RRAGD: variants seen among roughly 807,000 people sequenced by gnomAD.
RRAGD encodes the protein Ras related GTP binding D.
In RRAGD, 12 loss-of-function variants were observed where a neutral mutation model predicts 35.5. The ratio of observed to expected loss-of-function variants is 0.34; its 90% CI spans 0.22 to 0.55. The LOEUF is 0.55. Among genes scored for constraint, RRAGD ranks in the 20% least tolerant of loss-of-function variants. The probability of loss-of-function intolerance (pLI) is 0.91; values close to 1 mark genes in which losing one functional copy is unlikely to be tolerated. For missense variants in RRAGD, 324 were observed against 490.1 expected, an observed-to-expected ratio of 0.66 and a Z score of 3.20; for synonymous variants, 155 against 178.9, an observed-to-expected ratio of 0.87 and a Z score of 1.07.
chr6:89,382,409 ATATATATATATATG>A (rs1177675738), intron 2 of RRAGD, among the ~76,000 whole-genome samples: 2 of 146,810 alleles, frequency 1.4e-5, no homozygotes, highest in African/African-American at 5.1e-5. Context: ...AAATATATAT[ATATATATATATATG>A]TAATTAACCA....
At position 89,368,195 on chromosome 6, in the gene RRAGD, T is replaced by C; in HGVS notation, c.1064A>G (p.Tyr355Cys). Residue 355 changes from tyrosine (Y) to cysteine (C), a missense_variant, in exon 7 of 7, where the codon TAT becomes TGT. Coordinates refer to ENST00000369415, the MANE Select transcript of RRAGD (RefSeq NM_021244.5). ...ESFERKGLID[Y>C]NFHCFRKAIH... is the part of the protein sequence containing the mutation. ...GGCCTTCCGGAAGCAATGAAAATTA[T>C]AGTCAATTAGCCCTGGAGAAGAGAA... The C allele has an allele frequency of 1.2e-6, 2 of 1,613,368 alleles. No individual in the cohort carries two copies. The highest frequency in any genetic ancestry group is 8.5e-7 in the Non-Finnish European group (1 of 1,179,740).
chr6:89,394,338 GA>G (rs1347156551), intron 1 of RRAGD, among the ~76,000 whole-genome samples: 2 of 152,066 alleles, frequency 1.3e-5, no homozygotes, highest in Non-Finnish European at 2.9e-5. Flanking sequence ...AAAATCCTTA[GA>G]GGGGGAAACA....
At chr6:89,390,363 T>C (rs1046211513) in intron 1 of RRAGD, among the ~76,000 whole-genome samples, 4 of 152,144 alleles carry the variant, frequency 2.6e-5, no homozygotes, top group Non-Finnish European at 4.4e-5. Flanking sequence ...AGGATGCGAA[T>C]AGACATTTCT....
Position 89,368,033 on chromosome 6 carries a change from A to G in RRAGD, c.*23T>C. ...AGCCTCATGGATAAGGTCTGATTTCAAAAGACATTCCTGAAACCTCACCTA... is the reference window on the plus strand; with the variant it reads ...AGCCTCATGGATAAGGTCTGATTTCGAAAGACATTCCTGAAACCTCACCTA... On this transcript the variant is annotated 3_prime_UTR_variant, in exon 7 of 7. Coordinates refer to ENST00000369415, the MANE Select transcript of RRAGD (RefSeq NM_021244.5). 1 of 1,574,934 alleles carries G rather than the reference A, an allele frequency of 6.3e-7. No individual in the cohort carries two copies. The highest frequency in any genetic ancestry group is 1.7e-4 in the Middle Eastern group (1 of 5,856).
At chr6:89,409,975 G>T (rs1345806398) in intron 1 of RRAGD, among the ~76,000 whole-genome samples, 1 of 152,170 alleles carries the variant, frequency 6.6e-6, no homozygotes, top group African/African-American at 2.4e-5. Flanking sequence ...AGCCCATTCA[G>T]AAGGATTTTA....
At chr6:89,374,512 C>T (rs1001855266) in intron 5 of RRAGD, among the ~76,000 whole-genome samples, 10 of 152,070 alleles carry the variant, frequency 6.6e-5, no homozygotes. Flanking sequence ...AGGTGGATCG[C>T]CTGAGGTTGG....
intron 1 of RRAGD, among the ~76,000 whole-genome samples, chr6:89,399,112 A>C (rs1769398752): frequency 6.6e-6 from 1 of 152,180 alleles, no homozygotes. Flanking sequence ...CGTAGATTTT[A>C]ATGTTTCTCC....
At position 89,366,572 on chromosome 6, in the gene RRAGD, T is replaced by G. The variant is rs1358276799; in HGVS notation, c.*1484A>C. On this transcript the variant is annotated 3_prime_UTR_variant, in exon 7 of 7. Transcript: ENST00000369415. Reference sequence around the variant, plus strand: ...TTCAAGTATAAGTTGCTTTAGGGACTTTATATATTTTGCTAGGACCAACTT... The same window carrying G: ...TTCAAGTATAAGTTGCTTTAGGGACGTTATATATTTTGCTAGGACCAACTT... 1 of 151,464 alleles carries G rather than the reference T, an allele frequency of 6.6e-6. No individual in the cohort carries two copies. The highest frequency in any genetic ancestry group is 6.6e-5 in the Admixed American group (1 of 15,170). The allele number at this position is 151,464 out of a possible 1,614,324, so 9.4% of individuals were successfully genotyped here. A position where few individuals can be genotyped will look rare whatever the true frequency, so the allele number is the denominator to read the frequency against.
intron 1 of RRAGD, among the ~76,000 whole-genome samples, chr6:89,401,695 T>C (rs1769465295): frequency 6.6e-6 from 1 of 152,192 alleles, no homozygotes; most frequent in Non-Finnish European, 1.5e-5. Context: ...CACTTTGCTC[T>C]TCCCTCCATC....
At chr6:89,369,821 A>G (rs1768826415) in intron 6 of RRAGD, among the ~76,000 whole-genome samples, 1 of 152,254 alleles carries the variant, frequency 6.6e-6, no homozygotes, top group South Asian at 2.1e-4. Context: ...TTTTAAAGAC[A>G]GTAAATATCC....
At chr6:89,399,834 G>A (rs1582521506) in intron 1 of RRAGD, among the ~76,000 whole-genome samples, 1 of 144,182 alleles carries the variant, frequency 6.9e-6, no homozygotes, top group African/African-American at 2.6e-5. Context: ...AAACTCCTAC[G>A]CTCAAGTGAT....
In RRAGD at chr6:89,411,723, A is replaced by G; in HGVS notation, c.148+123T>C. ...GCGTCCCTCCCCACCCCAAACCCTCAACTGGACCCGCTCCCCTGGACCCCC... is the reference window on the plus strand; with the variant it reads ...GCGTCCCTCCCCACCCCAAACCCTCGACTGGACCCGCTCCCCTGGACCCCC... On this transcript the variant is annotated intron_variant, in intron 1 of 6. Coordinates refer to ENST00000369415, the MANE Select transcript of RRAGD (RefSeq NM_021244.5). The surrounding 1 kb of genome is among the most constrained non-coding windows in gnomAD (Gnocchi z 5.6). 9.0e-7 allele frequency: 1 copy of G among 1,106,288 alleles called. No homozygotes were observed. Among genetic ancestry groups the G allele is most frequent in the Non-Finnish European group, 1.3e-6 (1 of 796,022 alleles). 68.5% of individuals were successfully genotyped at this position (1,106,288 alleles called of 1,614,324 possible).
At chr6:89,379,849 T>A (rs1769012173) in intron 3 of RRAGD, among the ~76,000 whole-genome samples, 1 of 152,222 alleles carries the variant, frequency 6.6e-6, no homozygotes, top group East Asian at 1.9e-4. Flanking sequence ...ACAGATAATA[T>A]CTTTATCAAG....
intron 1 of RRAGD, among the ~76,000 whole-genome samples, chr6:89,392,812 G>T (rs901783101): frequency 6.6e-6 from 1 of 152,166 alleles, no homozygotes; most frequent in African/African-American, 2.4e-5. Context: ...GAAAAATTAA[G>T]CAGGTACAGA....
chr6:89,380,259 A>T lies in RRAGD; in HGVS notation c.553T>A (p.Ser185Thr). Residue 185 changes from serine to threonine, a missense_variant, in exon 3 of 7, where the codon TCA becomes ACA. Ser to Thr is a moderately conservative substitution (Grantham distance 58). This residue lies in a region of RRAGD where 152 missense variants were observed against 296.9 expected (regional missense o/e 0.51). Coordinates refer to ENST00000369415, the MANE Select transcript of RRAGD (RefSeq NM_021244.5). ...EVFIHKVDGLSDDHKIETQRD... is the reference protein window; with the variant it reads ...EVFIHKVDGLTDDHKIETQRD... The stretch of plus-strand genomic sequence containing the variant: ...TGGGTTTCAATTTTGTGGTCATCTG[A>T]CAGACCATCCACTTTATGAATAAAC... The T allele has an allele frequency of 6.2e-7, 1 of 1,614,230 alleles. No homozygotes were observed. The highest frequency in any genetic ancestry group is 8.5e-7 in the Non-Finnish European group (1 of 1,180,040).
chr6:89,404,064 G>A (rs1388828953), intron 1 of RRAGD, among the ~76,000 whole-genome samples: 2 of 152,062 alleles, frequency 1.3e-5, no homozygotes, highest in Non-Finnish European at 2.9e-5. Flanking sequence ...AATAAAAAAC[G>A]GTTGTCATTT....
chr6:89,388,393 A>G (rs1050749742), intron 1 of RRAGD, among the ~76,000 whole-genome samples: 5 of 152,158 alleles, frequency 3.3e-5, no homozygotes, highest in Non-Finnish European at 7.3e-5. Flanking sequence ...GGGGAATATG[A>G]GAACATTCTG....
At chr6:89,402,062 G>GTTTTTTTTTTT (rs1769480652) in intron 1 of RRAGD, among the ~76,000 whole-genome samples, 1 of 20,238 alleles carries the variant, frequency 4.9e-5, no homozygotes, top group Non-Finnish European at 8.5e-5. Flanking sequence ...TTTTTTTTTG[G>GTTTTTTTTTTT]TGGGGGATGG....
chr6:89,403,815 A>T (rs1769526341), intron 1 of RRAGD, among the ~76,000 whole-genome samples: 1 of 150,444 alleles, frequency 6.6e-6, no homozygotes, highest in East Asian at 1.9e-4. Flanking sequence ...TAATTTTTTC[A>T]TTTTTTTTGT....
Sources: gnomAD v4.1 joint callset for allele counts (sites outside exome capture counted in the v4.1 genomes callset) on GRCh38, gnomAD v4.1.1 for gene constraint, gnomAD v4.1.1 regional missense constraint, Gnocchi (gnomAD v3.1) non-coding constraint, MANE v1.5 for transcripts, NCBI Gene and HGNC (gene_info 2026-07-23, HGNC 2026-07-21) for gene names.